The following IQCE variants were observed in gnomAD, a reference collection of about 807,000 sequenced individuals.
IQCE encodes IQ domain-containing protein E.
In IQCE, 115 loss-of-function variants were observed where a neutral mutation model predicts 96.0. The observed-to-expected ratio is 1.20, with a 90% CI of 1.03 to 1.40. The LOEUF is 1.40. IQCE is among the 40% of genes most tolerant of loss of function. The pLI, the probability that IQCE is intolerant of heterozygous loss-of-function variation, is 0.00. For missense variants in IQCE, 1,041 were observed against 909.1 expected (o/e 1.15, Z -1.87); for synonymous variants, 412 against 371.2 (o/e 1.11, Z -1.26).
Position 2,612,762 on chromosome 7 carries a change from A to T in IQCE, c.*2600A>T, listed in dbSNP as rs901624977. Reference sequence around the variant, plus strand: ...TAGTCATGGGAGGGGTGAGCTGTGGATGGGGCCTAGCCATGGGAGGGGTGA... The same window carrying T: ...TAGTCATGGGAGGGGTGAGCTGTGGTTGGGGCCTAGCCATGGGAGGGGTGA... On this transcript the variant is annotated 3_prime_UTR_variant, in exon 22 of 22. Coordinates refer to ENST00000402050, the MANE Select transcript of IQCE (RefSeq NM_152558.5). 8.3e-6 allele frequency: 1 copy of T among 120,832 alleles called. No individual in the cohort carries two copies. Among genetic ancestry groups the T allele is most frequent in the South Asian group, 2.6e-4 (1 of 3,776 alleles). 7.5% of individuals were successfully genotyped at this position (120,832 alleles called of 1,614,324 possible). A position where few individuals can be genotyped will look rare whatever the true frequency, so the allele number is the denominator to read the frequency against.
intron 16 of IQCE, among the ~76,000 whole-genome samples, chr7:2,595,591 CTG>C (rs1326388327): frequency 2.0e-5 from 3 of 152,220 alleles, no homozygotes. Flanking sequence ...GGCGGCGTCT[CTG>C]TGGCTCCGAG....
intron 5 of IQCE, 141 bp downstream of exon 5, chr7:2,572,467 C>A: frequency 1.1e-6 from 1 of 930,292 alleles, no homozygotes; most frequent in Non-Finnish European, 1.6e-6. Flanking sequence ...TTTGGGAGGT[C>A]GTGGGAGCAG....
chr7:2,609,898 A>T lies in IQCE; in HGVS notation c.1970-146A>T. ...CTGGCAGGTGTGTGAGTTGCTCCTGAGGGCCTGTGTGCCCCATGGCTTACT... is the reference window on the plus strand; with the variant it reads ...CTGGCAGGTGTGTGAGTTGCTCCTGTGGGCCTGTGTGCCCCATGGCTTACT... On this transcript the variant is annotated intron_variant, in intron 21 of 21. Coordinates refer to ENST00000402050, the MANE Select transcript of IQCE (RefSeq NM_152558.5). 5.0e-6 allele frequency: 3 copies of T among 604,912 alleles called. No individual in the cohort carries two copies. In the South Asian group the frequency reaches 5.9e-5, roughly 12 times the overall value. The allele number at this position is 604,912 out of a possible 1,614,324, so 37.5% of individuals were successfully genotyped here. A position where few individuals can be genotyped will look rare whatever the true frequency, so the allele number is the denominator to read the frequency against.
chr7:2,570,076 A>T (rs1275053217), intron 3 of IQCE, among the ~76,000 whole-genome samples: 1 of 151,472 alleles, frequency 6.6e-6, no homozygotes, highest in African/African-American at 2.4e-5. Flanking sequence ...TGTCCTGTTC[A>T]CTCAGCAAGT....
rs1321379911 is a variant in IQCE at position 2,559,165 on chromosome 7, C to G, written c.-17C>G. The stretch of plus-strand genomic sequence containing the variant: ...CGAGCCAGCAACCCTGAGGGGCGGC[C>G]GGGCAGCGCCGCCACCATGTTCCTG... On this transcript the variant is annotated 5_prime_UTR_variant, in exon 1 of 22. Transcript: ENST00000402050. 6.3e-5 allele frequency: 77 copies of G among 1,213,890 alleles called. No individual in the cohort carries two copies. Among genetic ancestry groups the G allele is most frequent in the Non-Finnish European group, 7.5e-5 (73 of 975,988 alleles). 75.2% of individuals were successfully genotyped at this position (1,213,890 alleles called of 1,614,324 possible). A position where few individuals can be genotyped will look rare whatever the true frequency, so the allele number is the denominator to read the frequency against.
chr7:2,594,211 G>C (rs547556449), intron 15 of IQCE, among the ~76,000 whole-genome samples: 76 of 152,338 alleles, frequency 5.0e-4, no homozygotes, highest in African/African-American at 1.7e-3. Flanking sequence ...AGTGAGCAGA[G>C]AGCATGCCAC....
At position 2,593,020 on chromosome 7, in the gene IQCE, A is replaced by G. The variant is rs1783728487; in HGVS notation, c.1245-2A>G. 1 of 1,598,104 alleles carries G rather than the reference A, an allele frequency of 6.3e-7. No homozygotes were observed. Among genetic ancestry groups the G allele is most frequent in the South Asian group, 1.1e-5 (1 of 90,044 alleles). On this transcript the variant is annotated splice_acceptor_variant, in intron 14 of 21. Transcript: ENST00000402050. LOFTEE classifies it high-confidence loss of function. ...TGACGAGTCTCCTATTCTTGTGTGC[A>G]GTTTGGAGGTGAAGCAGCTCCTGCA...
At chr7:2,599,028 T>G (rs201065352) in intron 17 of IQCE, among the ~76,000 whole-genome samples, 1 of 152,052 alleles carries the variant, frequency 6.6e-6, no homozygotes, top group South Asian at 2.1e-4. Context: ...TTCCCAAATG[T>G]CCCCATATGC....
At chr7:2,609,983 C>A in intron 21 of IQCE, 61 bp from the exon 22 acceptor site, 1 of 914,890 alleles carries the variant, frequency 1.1e-6, no homozygotes, top group Non-Finnish European at 1.8e-6. Flanking sequence ...TAAGGGTGTC[C>A]GTGGTGGCAG....
intron 10 of IQCE, among the ~76,000 whole-genome samples, 185 bp downstream of exon 10, chr7:2,583,894 CCGTGCTGGGCGGCGGGGCGGG>C (rs1782882537): frequency 4.6e-5 from 1 of 21,648 alleles, no homozygotes; most frequent in African/African-American, 2.0e-4. Flanking sequence ...AGGGCGGGCA[CCGTGCTGGGCGGCGGGGCGGG>C]CACCGAGCTG....
intron 11 of IQCE, chr7:2,584,617 A>T (rs1353961666): frequency 7.6e-6 from 2 of 263,352 alleles, no homozygotes; most frequent in African/African-American, 4.4e-5. Flanking sequence ...GCACACAAGG[A>T]CAAGTTTACT....
At chr7:2,581,318 G>C (rs901017741) in intron 8 of IQCE, among the ~76,000 whole-genome samples, 2 of 151,608 alleles carry the variant, frequency 1.3e-5, no homozygotes, top group Non-Finnish European at 2.9e-5. Context: ...CGATTCTCCT[G>C]CCTCAGCCTC....
chr7:2,607,645 C>T (rs1784930517), intron 21 of IQCE: 1 of 830,208 alleles, frequency 1.2e-6, no homozygotes, highest in Non-Finnish European at 1.5e-6. Flanking sequence ...GGCCTCATCC[C>T]TGCTCTGCCC....
At chr7:2,565,093 T>C (rs370196303) in intron 1 of IQCE, among the ~76,000 whole-genome samples, 26 of 150,988 alleles carry the variant, frequency 1.7e-4, no homozygotes, top group South Asian at 6.3e-4. Context: ...TGTGCGTGTG[T>C]GTGCGTGTGT....
chr7:2,599,676 C>T (rs955394059), intron 17 of IQCE, among the ~76,000 whole-genome samples: 31 of 151,196 alleles, frequency 2.1e-4, no homozygotes, highest in African/African-American at 6.8e-4. Flanking sequence ...TTTGTAGAGA[C>T]GGGTCTTGCT....
At chr7:2,603,337 A>G (rs1784564379) in intron 18 of IQCE, among the ~76,000 whole-genome samples, 1 of 152,112 alleles carries the variant, frequency 6.6e-6, no homozygotes, top group Non-Finnish European at 1.5e-5. Flanking sequence ...TCTTTTTGCC[A>G]CCACACCTCT....
intron 2 of IQCE, among the ~76,000 whole-genome samples, chr7:2,567,561 C>T (rs370519490): frequency 5.9e-5 from 9 of 152,370 alleles, no homozygotes; most frequent in African/African-American, 1.9e-4. Flanking sequence ...GCTGCCTGGC[C>T]TCCCAGCCCG....
At chr7:2,586,124 C>G in intron 11 of IQCE, 84 bp from the exon 12 acceptor site, 1 of 1,294,192 alleles carries the variant, frequency 7.7e-7, no homozygotes, top group Non-Finnish European at 1.1e-6. Context: ...ACAGAGCAAG[C>G]TGTGATTCAC....
At chr7:2,561,316 A>G (rs1359207004) in intron 1 of IQCE, among the ~76,000 whole-genome samples, 1 of 152,138 alleles carries the variant, frequency 6.6e-6, no homozygotes, top group Non-Finnish European at 1.5e-5. Flanking sequence ...TACAAAGCCT[A>G]TGCTTTTGTT....
Sources: gnomAD v4.1 joint callset for allele counts (sites outside exome capture counted in the v4.1 genomes callset) on GRCh38, gnomAD v4.1.1 for gene constraint, MANE v1.5 for transcripts, NCBI Gene and HGNC (gene_info 2026-07-23, HGNC 2026-07-21) for gene names.